PKP2: variants seen among roughly 807,000 people sequenced by gnomAD.
PKP2 encodes the protein plakophilin 2.
PKP2 carries 73 observed loss-of-function variants against 83.4 expected under a neutral mutation model. That is an observed-to-expected ratio of 0.88 (90% confidence interval 0.72 to 1.06). The LOEUF (loss-of-function observed/expected upper bound fraction) is 1.06, where lower values mean the gene tolerates loss of function less well. Ranked by LOEUF, PKP2 falls within the 50% of genes least tolerant of loss-of-function variation. The pLI is 0.00. For missense variants in PKP2, 966 were observed against 1,065.4 expected, an observed-to-expected ratio of 0.91 and a Z score of 1.30; for synonymous variants, 409 against 430.4, an observed-to-expected ratio of 0.95 and a Z score of 0.62.
chr12:32,878,577 A>G (rs371550148), intron 2 of PKP2, 34 bp from the exon 3 acceptor site: 38 of 1,543,242 alleles, frequency 2.5e-5, no homozygotes, highest in Admixed American at 1.8e-5. Context: ...TAAAGGGGGC[A>G]TAAATCAAAT....
At chr12:32,873,242 G>A (rs939689644) in intron 3 of PKP2, among the ~76,000 whole-genome samples, 1 of 152,042 alleles carries the variant, frequency 6.6e-6, no homozygotes, top group African/African-American at 2.4e-5. Context: ...TGGGGCTACA[G>A]GCATGCACCA....
chr12:32,814,266 A>G (rs1218305743), intron 9 of PKP2, among the ~76,000 whole-genome samples: 1 of 152,164 alleles, frequency 6.6e-6, no homozygotes, highest in Non-Finnish European at 1.5e-5. Context: ...CCCAGTTCAC[A>G]GCCTTCTCCA....
In PKP2 at chr12:32,821,417, C is replaced by T. The variant is rs758813231; in HGVS notation, c.1952G>A (p.Arg651His). 1.2e-5 allele frequency: 20 copies of T among 1,613,916 alleles called. No individual in the cohort carries two copies. The highest frequency in any genetic ancestry group is 3.3e-4 in the Middle Eastern group (2 of 6,084). Residue 651 changes from arginine to histidine, a missense_variant, in exon 9 of 13, where the codon CGC becomes CAC. By Grantham distance (29) the Arg-to-His change is conservative. Transcript: ENST00000340811. ...MYLSLIAKSV[R>H]NYTQEASLGA... is the part of the protein sequence containing the mutation. The stretch of plus-strand genomic sequence containing the variant: ...TAAGGATGCTTCTTGTGTGTAGTTG[C>T]GGACACTTTTGGCGATCAAGGACAG...
At chr12:32,813,541 A>G (rs913463422) in intron 9 of PKP2, among the ~76,000 whole-genome samples, 4 of 152,120 alleles carry the variant, frequency 2.6e-5, no homozygotes, top group African/African-American at 9.7e-5. Context: ...GCACTTTGGG[A>G]GGCTGAGGCA....
At chr12:32,841,649 A>G (rs1956593715) in intron 5 of PKP2, among the ~76,000 whole-genome samples, 1 of 152,188 alleles carries the variant, frequency 6.6e-6, no homozygotes, top group Admixed American at 6.5e-5. Context: ...ACATGGGAAA[A>G]TATCTTCCCT....
chr12:32,878,787 C>A, intron 2 of PKP2, 133 bp downstream of exon 2: 1 of 703,470 alleles, frequency 1.4e-6, no homozygotes, highest in East Asian at 2.7e-5. Context: ...TCATAAATAT[C>A]AATTTTCTCA....
At chr12:32,891,019 T>G (rs1170415874) in intron 1 of PKP2, among the ~76,000 whole-genome samples, 1 of 151,882 alleles carries the variant, frequency 6.6e-6, no homozygotes, top group Non-Finnish European at 1.5e-5. Flanking sequence ...ATGAGAGCAC[T>G]TGATAGTTTG....
rs751288871 is a variant in PKP2, at chr12:32,822,487, G to A, written c.1819C>T (p.Arg607Ter). Residue 607 changes from arginine to a stop codon, truncating the protein, a stop_gained, in exon 8 of 13, where the codon CGA (arginine) becomes TGA (stop). Transcript: ENST00000340811. LOFTEE classifies it high-confidence loss of function. The part of the protein sequence containing the change: ...NNKSIGCFGS[R>*]SRKVKEQYQD... Reference sequence around the variant, plus strand: ...TATACCTCTTTTACTTTCCTGCTTCGACTGCCAAAACATCCAATACTTTTG... The same window carrying A: ...TATACCTCTTTTACTTTCCTGCTTCAACTGCCAAAACATCCAATACTTTTG... 2.5e-6 allele frequency: 4 copies of A among 1,613,596 alleles called. No individual in the cohort carries two copies. Among genetic ancestry groups the A allele is most frequent in the East Asian group, 2.2e-5 (1 of 44,872 alleles).
Position 32,878,459 on chromosome 12 carries a change from A to G in PKP2, c.421T>C (p.Leu141=). 1 of 1,614,130 alleles carries G rather than the reference A, an allele frequency of 6.2e-7. No homozygotes were observed. Among genetic ancestry groups the G allele is most frequent in the Non-Finnish European group, 8.5e-7 (1 of 1,180,014 alleles). Reference sequence around the variant, plus strand: ...TCCAGTCTCCTCAGAGGATGCCTCAAGGACCTTTCTTCCACGGACTTCTGG... The same window carrying G: ...TCCAGTCTCCTCAGAGGATGCCTCAGGGACCTTTCTTCCACGGACTTCTGG... ...SSQKSVEERS[L]RHPLRRLEIS... is the part of the protein sequence containing the mutation. Residue 141 remains leucine (L), a synonymous_variant, in exon 3 of 13, where the codon TTG becomes CTG. Transcript: ENST00000340811.
intron 6 of PKP2, among the ~76,000 whole-genome samples, chr12:32,826,620 C>T (rs1005819003): frequency 2.6e-5 from 4 of 152,074 alleles, no homozygotes; most frequent in South Asian, 2.1e-4. Flanking sequence ...CTGAAAAACT[C>T]GGACAGTTTG....
chr12:32,871,534 C>T (rs1468016341), intron 3 of PKP2, among the ~76,000 whole-genome samples: 4 of 151,840 alleles, frequency 2.6e-5, no homozygotes, highest in Non-Finnish European at 5.9e-5. Flanking sequence ...GGCACGATCT[C>T]GGCTCACTGC....
At chr12:32,856,575 G>A (rs1053299746) in intron 4 of PKP2, among the ~76,000 whole-genome samples, 5 of 152,040 alleles carry the variant, frequency 3.3e-5, no homozygotes, top group African/African-American at 9.7e-5. Flanking sequence ...GACACAGGAC[G>A]GGGAACATCA....
intron 4 of PKP2, among the ~76,000 whole-genome samples, chr12:32,857,064 T>C (rs768605899): frequency 2.6e-5 from 4 of 152,154 alleles, no homozygotes; most frequent in Non-Finnish European, 4.4e-5. Context: ...AAACCACCAA[T>C]GTCCTGCCTC....
intron 9 of PKP2, among the ~76,000 whole-genome samples, chr12:32,809,943 A>C (rs1956262571): frequency 1.3e-5 from 2 of 152,202 alleles, no homozygotes; most frequent in South Asian, 4.1e-4. Context: ...TTTCAGTTGA[A>C]GGTGCTGAAT....
intron 9 of PKP2, chr12:32,820,377 A>T (rs953953103): frequency 6.6e-6 from 1 of 152,248 alleles, no homozygotes; most frequent in Admixed American, 6.5e-5. Context: ...AAATCATTAA[A>T]TACTTACAGA....
At chr12:32,842,141 A>G (rs1022615663) in intron 5 of PKP2, among the ~76,000 whole-genome samples, 1 of 152,128 alleles carries the variant, frequency 6.6e-6, no homozygotes, top group Non-Finnish European at 1.5e-5. Context: ...TGTTTTTGAA[A>G]TTTGGAGCTC....
chr12:32,841,136 A>T lies in PKP2; in HGVS notation c.1448T>A (p.Leu483Gln), dbSNP rs397517000. ...NLMITEALLT[L>Q]TENIIIPFSG... ...AAAGGGGATGATGATATTCTCCGTCAGCGTAAGCAATGCTTCTGTTATCAT... is the reference window on the plus strand; with the variant it reads ...AAAGGGGATGATGATATTCTCCGTCTGCGTAAGCAATGCTTCTGTTATCAT... The change falls in exon 6 of 13, where the codon CTG becomes CAG. Residue 483 changes from leucine (L) to glutamine (Q), a missense_variant. Transcript: ENST00000340811. 2 of 1,612,776 alleles carry T rather than the reference A, an allele frequency of 1.2e-6. No homozygotes were observed. Among genetic ancestry groups the T allele is most frequent in the South Asian group, 2.2e-5 (2 of 91,050 alleles).
At chr12:32,851,203 T>C (rs1185417015) in intron 4 of PKP2, among the ~76,000 whole-genome samples, 1 of 152,066 alleles carries the variant, frequency 6.6e-6, no homozygotes, top group Non-Finnish European at 1.5e-5. Flanking sequence ...ACCTATGAAA[T>C]AATTGAAGGG....
intron 10 of PKP2, among the ~76,000 whole-genome samples, chr12:32,797,835 C>T (rs11052243): frequency 0.39 from 58,538 of 151,474 alleles, 13,735 homozygotes; most frequent in Non-Finnish European, 0.53. Flanking sequence ...GGATTAGAAG[C>T]GTGAGCTACC....
Sources: allele counts gnomAD v4.1 joint callset (sites outside exome capture counted in the v4.1 genomes callset), GRCh38; gene constraint gnomAD v4.1.1; transcripts MANE v1.5; gene names NCBI Gene and HGNC (gene_info 2026-07-23, HGNC 2026-07-21).